The following RIMS2 variants were observed in gnomAD, a reference collection of about 807,000 sequenced individuals.
RIMS2 encodes the protein regulating synaptic membrane exocytosis 2.
Under a neutral mutation model 174.4 loss-of-function variants are expected in RIMS2, and 59 were observed. That is an observed-to-expected ratio of 0.34 (90% CI 0.27 to 0.42). The LOEUF (loss-of-function observed/expected upper bound fraction) is 0.42, where lower values mean the gene tolerates loss of function less well. RIMS2 is among the 10% of genes least tolerant of loss of function. RIMS2 has a pLI of 1.00. For missense variants in RIMS2, 1,620 were observed against 1,666.3 expected, an observed-to-expected ratio of 0.97 and a Z score of 0.48; for synonymous variants, 606 against 572.5, an observed-to-expected ratio of 1.06 and a Z score of -0.84.
Position 103,580,960 on chromosome 8 carries a change from G to C in RIMS2, c.176+79898G>C, listed in dbSNP as rs192226035. 6.1e-3 allele frequency among the ~76,000 whole-genome samples: 928 copies of C among 151,574 alleles called. 12 individuals are homozygous for C. Among genetic ancestry groups the C allele is most frequent in the African/African-American group, 0.021 (878 of 41,260 alleles). Reference sequence around the variant, plus strand: ...TTCTCCTGCCTCAGCCTCCCGGGTAGCTGGGACTACAGGCGCCCGCCACCA... The same window carrying C: ...TTCTCCTGCCTCAGCCTCCCGGGTACCTGGGACTACAGGCGCCCGCCACCA... On this transcript the variant is annotated intron_variant, in intron 1 of 23. Transcript: ENST00000504942.
intron 3 of RIMS2, among the ~76,000 whole-genome samples, chr8:103,865,899 T>C (rs866963032): frequency 2.0e-5 from 3 of 152,162 alleles, no homozygotes; most frequent in Admixed American, 6.5e-5. Context: ...AATTGTATTA[T>C]TGTGATAATG....
chr8:103,631,808 C>T (rs2095930240), intron 1 of RIMS2, among the ~76,000 whole-genome samples: 1 of 152,174 alleles, frequency 6.6e-6, no homozygotes, highest in South Asian at 2.1e-4. Context: ...TTTCGTTGAG[C>T]AGTGTTTTGT....
At chr8:104,205,921 G>C (rs557591110) in intron 19 of RIMS2, among the ~76,000 whole-genome samples, 1 of 151,730 alleles carries the variant, frequency 6.6e-6, no homozygotes, top group African/African-American at 2.4e-5. Context: ...ACGCCCGGCT[G>C]ATTTTTATAT....
intron 3 of RIMS2, among the ~76,000 whole-genome samples, chr8:103,874,608 T>A (rs1386348810): frequency 6.6e-6 from 1 of 152,062 alleles, no homozygotes; most frequent in African/African-American, 2.4e-5. Flanking sequence ...AATTATTTTC[T>A]ATCAGTTACT....
chr8:103,863,323 TTGTGG>T (rs1357621428), intron 3 of RIMS2, among the ~76,000 whole-genome samples: 1 of 152,140 alleles, frequency 6.6e-6, no homozygotes, highest in Non-Finnish European at 1.5e-5. Context: ...GCCAACCTGA[TTGTGG>T]TGTATTAATT....
rs199997824 is a variant in RIMS2, at chr8:103,876,864, TTATATATATATATATA to T, written c.699-8403_699-8388del. Among the ~76,000 whole-genome samples, 226 of 68,106 alleles carry T rather than the reference TTATATATATATATATA, an allele frequency of 3.3e-3. 5 individuals carry two copies. Among genetic ancestry groups the T allele is most frequent in the African/African-American group, 7.4e-3 (160 of 21,504 alleles). The allele number at this position is 68,106 out of a possible 152,430, so 44.7% of individuals were successfully genotyped here. A position where few individuals can be genotyped will look rare whatever the true frequency, so the allele number is the denominator to read the frequency against. ...TGTATATATACACACACACACTATT[TTATATATATATATATA>T]TATATATATATATATATATATATAT... is the stretch of plus-strand genomic sequence containing the variant. On this transcript the variant is annotated intron_variant, in intron 3 of 23. Transcript: ENST00000504942.
chr8:103,588,331 C>T (rs1420376148), intron 1 of RIMS2, among the ~76,000 whole-genome samples: 2 of 151,658 alleles, frequency 1.3e-5, no homozygotes, highest in Admixed American at 6.6e-5. Context: ...CAAAACAATA[C>T]AACCCAAAGC....
At chr8:103,571,673 G>C (rs1167466621) in intron 1 of RIMS2, among the ~76,000 whole-genome samples, 1 of 152,038 alleles carries the variant, frequency 6.6e-6, no homozygotes, top group Admixed American at 6.5e-5. Context: ...TTTGTTGTGA[G>C]TAAAAAAGAA....
chr8:103,767,221 C>A (rs2098184449), intron 3 of RIMS2, among the ~76,000 whole-genome samples: 1 of 148,358 alleles, frequency 6.7e-6, no homozygotes, highest in Non-Finnish European at 1.5e-5. Flanking sequence ...TGGAGTCTCG[C>A]TCTGTCATCA....
intron 19 of RIMS2, among the ~76,000 whole-genome samples, chr8:104,156,313 C>T (rs576432805): frequency 1.3e-5 from 2 of 152,124 alleles, no homozygotes; most frequent in Admixed American, 6.5e-5. Context: ...TTTTTACGGA[C>T]AGGAATTGGA....
At chr8:103,512,294 A>T (rs1826870972) in intron 1 of RIMS2, among the ~76,000 whole-genome samples, 1 of 152,214 alleles carries the variant, frequency 6.6e-6, no homozygotes, top group Admixed American at 6.5e-5. Flanking sequence ...GTCCAGATTC[A>T]CTATCACAAA....
intron 1 of RIMS2, among the ~76,000 whole-genome samples, chr8:103,571,492 G>A (rs1178075185): frequency 2.0e-5 from 3 of 152,070 alleles, no homozygotes; most frequent in Admixed American, 6.6e-5. Flanking sequence ...TGTGGATACT[G>A]TGACAGCAAA....
chr8:103,615,090 T>A (rs972460397), intron 1 of RIMS2, among the ~76,000 whole-genome samples: 4 of 152,208 alleles, frequency 2.6e-5, no homozygotes, highest in African/African-American at 7.2e-5. Flanking sequence ...AAGATCTTTT[T>A]AAAATGTACC....
intron 19 of RIMS2, among the ~76,000 whole-genome samples, chr8:104,139,879 T>C (rs1599755391): frequency 6.6e-6 from 1 of 152,298 alleles, no homozygotes; most frequent in Admixed American, 6.5e-5. Context: ...CCCCATTCAG[T>C]ATGATACTAG....
chr8:103,937,907 G>A (rs1347784015), intron 13 of RIMS2, among the ~76,000 whole-genome samples: 1 of 152,030 alleles, frequency 6.6e-6, no homozygotes, highest in African/African-American at 2.4e-5. Flanking sequence ...TTGTCACAGT[G>A]GCACAGTCAT....
chr8:104,087,221 C>G (rs1473763327), intron 19 of RIMS2, among the ~76,000 whole-genome samples: 1 of 152,046 alleles, frequency 6.6e-6, no homozygotes, highest in African/African-American at 2.4e-5. Flanking sequence ...TCATTTTGAT[C>G]ATTAAACATT....
intron 3 of RIMS2, among the ~76,000 whole-genome samples, chr8:103,833,773 C>T (rs1453275931): frequency 6.6e-6 from 1 of 152,072 alleles, no homozygotes; most frequent in Non-Finnish European, 1.5e-5. Context: ...TTTATTTCCT[C>T]AAACATAGTT....
chr8:103,779,285 C>T (rs1036799704), intron 3 of RIMS2, among the ~76,000 whole-genome samples: 4 of 152,048 alleles, frequency 2.6e-5, no homozygotes, highest in African/African-American at 9.7e-5. Flanking sequence ...GCTTTGGCTG[C>T]CTGTGATTTT....
exon 21 of RIMS2, chr8:104,248,801 A>G (rs767688627): frequency 6.3e-7 from 1 of 1,576,140 alleles, no homozygotes; most frequent in East Asian, 2.2e-5. Flanking sequence ...GACTCTGGCA[A>G]CACCTGCAAT....
Sources: allele counts gnomAD v4.1 joint callset (sites outside exome capture counted in the v4.1 genomes callset), GRCh38; gene constraint gnomAD v4.1.1; transcripts MANE v1.5; gene names NCBI Gene and HGNC (gene_info 2026-07-23, HGNC 2026-07-21).